CSMD1: variants seen among roughly 807,000 people sequenced by gnomAD.
The protein encoded by CSMD1 is CUB and Sushi multiple domains 1, also known as CUB and sushi domain-containing protein 1.
Under a neutral mutation model 417.5 loss-of-function variants are expected in CSMD1, and 213 were observed. The ratio of observed to expected loss-of-function variants is 0.51; its 90% CI spans 0.46 to 0.57. The LOEUF is 0.57. Among genes scored for constraint, CSMD1 ranks in the 20% least tolerant of loss-of-function variants. CSMD1 has a pLI of 0.00. For missense variants in CSMD1, 6,923 were observed against 4,529.7 expected, an observed-to-expected ratio of 1.53 and a Z score of -15.17; for synonymous variants, 2,862 against 1,736.8, an observed-to-expected ratio of 1.65 and a Z score of -16.11.
intron 7 of CSMD1, among the ~76,000 whole-genome samples, chr8:3,663,829 C>A (rs928881280): frequency 6.6e-6 from 1 of 152,106 alleles, no homozygotes; most frequent in Non-Finnish European, 1.5e-5. Flanking sequence ...ATACTCTGAC[C>A]ACCGGGGGCA....
intron 3 of CSMD1, among the ~76,000 whole-genome samples, chr8:4,245,108 T>A (rs1421028064): frequency 6.6e-6 from 1 of 152,152 alleles, no homozygotes; most frequent in Non-Finnish European, 1.5e-5. Context: ...CCCTCAAGAT[T>A]TTCAATATTC....
intron 2 of CSMD1, among the ~76,000 whole-genome samples, chr8:4,436,654 C>A (rs567971907): frequency 1.3e-5 from 2 of 152,090 alleles, no homozygotes; most frequent in African/African-American, 2.4e-5. Flanking sequence ...TTAACAATCA[C>A]CACCTCCTTC....
At chr8:2,978,921 C>T (rs935719934) in intron 54 of CSMD1, 121 bp from the exon 55 acceptor site, 13 of 820,324 alleles carry the variant, frequency 1.6e-5, no homozygotes, top group Non-Finnish European at 2.4e-5. Flanking sequence ...AACATGATGG[C>T]TGAGGCTCAT....
chr8:3,726,733 G>C (rs922725163), intron 6 of CSMD1, among the ~76,000 whole-genome samples: 2 of 152,116 alleles, frequency 1.3e-5, no homozygotes, highest in African/African-American at 4.8e-5. Context: ...ATACCAGAGG[G>C]AACTTGCCAG....
At chr8:3,894,195 T>C (rs1212854517) in intron 5 of CSMD1, among the ~76,000 whole-genome samples, 1 of 152,184 alleles carries the variant, frequency 6.6e-6, no homozygotes, top group Non-Finnish European at 1.5e-5. Flanking sequence ...TTTGTTTGAA[T>C]TGTTCTAAAC....
intron 10 of CSMD1, among the ~76,000 whole-genome samples, chr8:3,534,423 T>C (rs915576196): frequency 1.3e-5 from 2 of 152,022 alleles, no homozygotes; most frequent in South Asian, 2.1e-4. Context: ...CTCTCCTTTG[T>C]TTTGGGCAAA....
At chr8:4,055,988 G>T (rs1274089611) in intron 3 of CSMD1, among the ~76,000 whole-genome samples, 2 of 151,548 alleles carry the variant, frequency 1.3e-5, no homozygotes, top group Non-Finnish European at 1.5e-5. Flanking sequence ...CTACTAGAAG[G>T]CTCTGTTATG....
At position 2,955,779 on chromosome 8, in the gene CSMD1, A is replaced by G. The variant is rs756734652; in HGVS notation, c.9815-11T>C. The G allele has an allele frequency of 6.2e-7, 1 of 1,610,918 alleles. No individual in the cohort carries two copies. Among genetic ancestry groups the G allele is most frequent in the South Asian group, 1.1e-5 (1 of 90,734 alleles). On this transcript the variant is annotated splice_polypyrimidine_tract_variant and intron_variant, in intron 63 of 69. Transcript: ENST00000635120. ...GTCTGCAGGCATGAGCTGAAACAAC[A>G]TTAGGAAACATTGAGACTTTGTTTA... is the stretch of plus-strand genomic sequence containing the variant.
chr8:4,538,374 G>T (rs891147139), intron 2 of CSMD1, among the ~76,000 whole-genome samples: 3 of 151,956 alleles, frequency 2.0e-5, no homozygotes, highest in Admixed American at 1.3e-4. Context: ...TGGGTGCGAT[G>T]GCTTATGCCT....
At chr8:3,604,300 G>C (rs529464324) in intron 8 of CSMD1, among the ~76,000 whole-genome samples, 63 of 150,722 alleles carry the variant, frequency 4.2e-4, no homozygotes, top group Admixed American at 9.9e-4. Flanking sequence ...GGGAGGCTGC[G>C]GGGGGGGACC....
At chr8:3,614,356 G>C (rs536538646) in intron 8 of CSMD1, among the ~76,000 whole-genome samples, 1 of 149,922 alleles carries the variant, frequency 6.7e-6, no homozygotes, top group Admixed American at 6.6e-5. Flanking sequence ...ACCGCCCCCC[G>C]AGCCAGATCA....
At chr8:4,522,784 T>C (rs1803539084) in intron 2 of CSMD1, among the ~76,000 whole-genome samples, 1 of 152,086 alleles carries the variant, frequency 6.6e-6, no homozygotes, top group Non-Finnish European at 1.5e-5. Flanking sequence ...CTGGTAGCAG[T>C]GATGTGGCAA....
chr8:3,824,747 T>A (rs768604565), intron 5 of CSMD1, among the ~76,000 whole-genome samples: 1 of 152,186 alleles, frequency 6.6e-6, no homozygotes, highest in Non-Finnish European at 1.5e-5. Flanking sequence ...TAAAATGAGA[T>A]GTGGCTCACA....
chr8:4,142,004 A>C (rs928445366), intron 3 of CSMD1, among the ~76,000 whole-genome samples: 1 of 151,002 alleles, frequency 6.6e-6, no homozygotes, highest in Non-Finnish European at 1.5e-5. Context: ...TTATATATTC[A>C]ATGATGTTCC....
At chr8:3,168,757 A>G (rs1267270546) in intron 37 of CSMD1, among the ~76,000 whole-genome samples, 1 of 152,180 alleles carries the variant, frequency 6.6e-6, no homozygotes, top group Non-Finnish European at 1.5e-5. Context: ...TAGAGGTAAA[A>G]AGATTTTGTC....
chr8:3,691,599 A>G (rs2129032942), intron 7 of CSMD1, among the ~76,000 whole-genome samples: 1 of 152,274 alleles, frequency 6.6e-6, no homozygotes, highest in South Asian at 2.1e-4. Context: ...TTTGGCTTCT[A>G]TCCTATCCTA....
rs1234715622 is a variant in CSMD1, at chr8:4,544,542, A to C, written c.302+92800T>G. Among the ~76,000 whole-genome samples the C allele has an allele frequency of 6.6e-5, 10 of 152,158 alleles. No homozygotes were observed. In the East Asian group the frequency reaches 1.9e-3, roughly 29 times the overall value. ...CACTGCTGACTTTTAAAAATTACTT[A>C]TAAGGCTTTAGAGGACACAGAAGGA... On this transcript the variant is annotated intron_variant, in intron 2 of 69. Coordinates refer to ENST00000635120, the MANE Select transcript of CSMD1 (RefSeq NM_033225.6).
intron 7 of CSMD1, among the ~76,000 whole-genome samples, chr8:3,637,841 G>A (rs1425184755): frequency 6.6e-6 from 1 of 152,144 alleles, no homozygotes; most frequent in African/African-American, 2.4e-5. Flanking sequence ...TTCTTGTGCT[G>A]TTCCTATGGT....
rs1324082919 is a variant in CSMD1, at chr8:4,137,708, A to G, written c.416-105609T>C. ...AGCTGTAAGACAAGAGATCACATCG[A>G]TAAAGATACTGTATTTCACGATGTT... On this transcript the variant is annotated intron_variant, in intron 3 of 69. Coordinates refer to ENST00000635120, the MANE Select transcript of CSMD1 (RefSeq NM_033225.6). Among the ~76,000 whole-genome samples the G allele has an allele frequency of 1.7e-5, 2 of 120,232 alleles. 1 individual carries two copies. Among genetic ancestry groups the G allele is most frequent in the African/African-American group, 5.1e-5 (2 of 39,522 alleles). The allele number at this position is 120,232 out of a possible 152,430, so 78.9% of individuals were successfully genotyped here. A position where few individuals can be genotyped will look rare whatever the true frequency, so the allele number is the denominator to read the frequency against.
Sources: allele counts gnomAD v4.1 joint callset (sites outside exome capture counted in the v4.1 genomes callset), GRCh38; gene constraint gnomAD v4.1.1; transcripts MANE v1.5; gene names NCBI Gene and HGNC (gene_info 2026-07-23, HGNC 2026-07-21).